PLEKHA7: variants seen among roughly 807,000 people sequenced by gnomAD.
PLEKHA7 encodes the protein pleckstrin homology domain-containing family A member 7.
In PLEKHA7, 104 loss-of-function variants were observed where a neutral mutation model predicts 170.0. The observed-to-expected ratio is 0.61, with a 90% CI of 0.52 to 0.72. The LOEUF is 0.72. Among genes scored for constraint, PLEKHA7 ranks in the 30% least tolerant of loss-of-function variants. The pLI is 0.00. For missense variants in PLEKHA7, 1,615 were observed against 1,671.7 expected (o/e 0.97, Z 0.59); for synonymous variants, 648 against 660.8 (o/e 0.98, Z 0.30).
Position 16,871,088 on chromosome 11 carries a change from A to G in PLEKHA7, c.305+11T>C. Reference sequence around the variant, plus strand: ...TCTGCCCAGATAAGGAGAATACATAAAAAGACTTACTCTTCTTGAAGAATG... The same window carrying G: ...TCTGCCCAGATAAGGAGAATACATAGAAAGACTTACTCTTCTTGAAGAATG... On this transcript the variant is annotated intron_variant, in intron 4 of 26. Transcript: ENST00000531066. 1 of 1,573,088 alleles carries G rather than the reference A, an allele frequency of 6.4e-7. No homozygotes were observed. Among genetic ancestry groups the G allele is most frequent in the Non-Finnish European group, 8.7e-7 (1 of 1,143,246 alleles).
chr11:16,912,654 G>A (rs1357172010), intron 3 of PLEKHA7, among the ~76,000 whole-genome samples: 3 of 151,942 alleles, frequency 2.0e-5, no homozygotes, highest in Non-Finnish European at 4.4e-5. Flanking sequence ...AGGACAAGCT[G>A]GGAGCATCAA....
intron 3 of PLEKHA7, among the ~76,000 whole-genome samples, chr11:16,933,907 C>T (rs902220733): frequency 3.9e-5 from 6 of 152,178 alleles, no homozygotes; most frequent in South Asian, 2.1e-4. Flanking sequence ...GCTGAGAGCA[C>T]GCTGCCCAGG....
At chr11:16,960,689 C>T (rs937611693) in intron 3 of PLEKHA7, among the ~76,000 whole-genome samples, 1 of 151,972 alleles carries the variant, frequency 6.6e-6, no homozygotes, top group Non-Finnish European at 1.5e-5. Flanking sequence ...TACTCAACCC[C>T]TGGGTCCCTG....
intron 3 of PLEKHA7, among the ~76,000 whole-genome samples, chr11:16,995,020 T>C (rs955871681): frequency 6.6e-6 from 1 of 152,196 alleles, no homozygotes; most frequent in Non-Finnish European, 1.5e-5. Flanking sequence ...ATGGAGCTAA[T>C]ATTCCAGTGA....
intron 3 of PLEKHA7, among the ~76,000 whole-genome samples, chr11:16,871,826 C>A (rs145633387): frequency 1.3e-5 from 2 of 152,306 alleles, no homozygotes; most frequent in Non-Finnish European, 2.9e-5. Context: ...TGTGCATCAA[C>A]AAAGGCTGCT....
intron 3 of PLEKHA7, among the ~76,000 whole-genome samples, chr11:16,876,104 C>G (rs746040422): frequency 5.3e-5 from 8 of 152,142 alleles, no homozygotes; most frequent in Non-Finnish European, 1.0e-4. Flanking sequence ...CTCGCTGTCC[C>G]TGGCTCCCCC....
At chr11:16,805,429 T>C (rs1197774210) in intron 13 of PLEKHA7, among the ~76,000 whole-genome samples, 2 of 152,178 alleles carry the variant, frequency 1.3e-5, no homozygotes, top group African/African-American at 2.4e-5. Flanking sequence ...AACCTTTTTT[T>C]TCTCTCTCTC....
intron 3 of PLEKHA7, among the ~76,000 whole-genome samples, chr11:16,873,235 G>C (rs560196025): frequency 1.3e-5 from 2 of 152,140 alleles, no homozygotes; most frequent in East Asian, 3.8e-4. Context: ...ATAGCACAAA[G>C]GTTATAAAAG....
intron 3 of PLEKHA7, among the ~76,000 whole-genome samples, chr11:16,892,430 G>GTAT: frequency 1.2e-5 from 1 of 80,724 alleles, no homozygotes; most frequent in Non-Finnish European, 2.7e-5. Flanking sequence ...GTGTGTGTGT[G>GTAT]TGTGTTTTGT....
chr11:16,779,265 G>T (rs916705622), intron 26 of PLEKHA7, among the ~76,000 whole-genome samples: 3 of 152,170 alleles, frequency 2.0e-5, no homozygotes, highest in Non-Finnish European at 2.9e-5. Context: ...ATCCCGACAG[G>T]GCAAAGACTC....
intron 12 of PLEKHA7, among the ~76,000 whole-genome samples, chr11:16,814,044 C>T (rs1416663773): frequency 6.6e-6 from 1 of 152,154 alleles, no homozygotes; most frequent in Non-Finnish European, 1.5e-5. Context: ...GTGGCCTTTG[C>T]TTACAGCTCT....
intron 24 of PLEKHA7, 125 bp from the exon 25 acceptor site, chr11:16,783,958 G>T: frequency 9.7e-7 from 1 of 1,032,802 alleles, no homozygotes; most frequent in Non-Finnish European, 1.3e-6. Context: ...TAAGTAACTT[G>T]CTAAGATCAC....
At chr11:16,847,010 G>T (rs377170007) in intron 8 of PLEKHA7, among the ~76,000 whole-genome samples, 19 of 151,914 alleles carry the variant, frequency 1.3e-4, no homozygotes, top group East Asian at 9.7e-4. Flanking sequence ...CCCAGACAAG[G>T]TGACTCTGAG....
chr11:16,925,222 C>T (rs1859424127), intron 3 of PLEKHA7, among the ~76,000 whole-genome samples: 1 of 152,240 alleles, frequency 6.6e-6, no homozygotes. Flanking sequence ...CTCTCTGCTG[C>T]TGAGGTAATC....
chr11:16,955,874 G>A (rs1000587465), intron 3 of PLEKHA7, among the ~76,000 whole-genome samples: 1 of 152,110 alleles, frequency 6.6e-6, no homozygotes, highest in African/African-American at 2.4e-5. Flanking sequence ...GAAAGAGGGG[G>A]ATTCTAGAGA....
At position 16,779,343 on chromosome 11, in the gene PLEKHA7, G is replaced by T. The variant is rs563536026; in HGVS notation, c.3794-323C>A. On this transcript the variant is annotated intron_variant, in intron 26 of 26. Coordinates refer to ENST00000531066, the MANE Select transcript of PLEKHA7 (RefSeq NM_001329630.2). ...TGGGTAGCGCTCTTGGCCTCTGTGGGCCTTGTTTTTCTAACCTAAAAAACA... is the reference window on the plus strand; with the variant it reads ...TGGGTAGCGCTCTTGGCCTCTGTGGTCCTTGTTTTTCTAACCTAAAAAACA... Among the ~76,000 whole-genome samples the T allele has an allele frequency of 2.6e-5, 4 of 152,340 alleles. No homozygotes were observed. The South Asian group carries it at 8.3e-4, about 32-fold the overall frequency.
chr11:16,943,312 A>C (rs550032550), intron 3 of PLEKHA7, among the ~76,000 whole-genome samples: 3 of 152,096 alleles, frequency 2.0e-5, no homozygotes, highest in East Asian at 3.9e-4. Context: ...TCACATTGAC[A>C]GCACATCTTA....
chr11:16,884,093 T>C (rs1171517639), intron 3 of PLEKHA7, among the ~76,000 whole-genome samples: 1 of 130,456 alleles, frequency 7.7e-6, no homozygotes, highest in Non-Finnish European at 1.7e-5. Flanking sequence ...GACTCCTCCA[T>C]ATCCATACAC....
At chr11:16,787,256 G>C (rs987918757) in intron 23 of PLEKHA7, 2 of 984,454 alleles carry the variant, frequency 2.0e-6, no homozygotes, top group Non-Finnish European at 2.4e-6. Flanking sequence ...AACCAAAGCA[G>C]ATGCTTATCT....
Sources: gnomAD v4.1 joint callset for allele counts (sites outside exome capture counted in the v4.1 genomes callset) on GRCh38, gnomAD v4.1.1 for gene constraint, MANE v1.5 for transcripts, NCBI Gene and HGNC (gene_info 2026-07-23, HGNC 2026-07-21) for gene names.